Variants in WWC2 observed in about 807,000 individuals in gnomAD.
WWC2 encodes the protein protein WWC2.
A neutral mutation model predicts 138.5 loss-of-function variants in WWC2; 101 were observed. That is an observed-to-expected ratio of 0.73 (90% confidence interval 0.62 to 0.86). The LOEUF (loss-of-function observed/expected upper bound fraction) is 0.86, where lower values mean the gene tolerates loss of function less well. Ranked by LOEUF, WWC2 falls within the 40% of genes least tolerant of loss-of-function variation. The pLI, the probability that WWC2 is intolerant of heterozygous loss-of-function variation, is 0.00. For synonymous variants in WWC2, 558 were observed against 538.4 expected, an observed-to-expected ratio of 1.04 and a Z score of -0.50; for missense variants, 1,420 against 1,419.4, an observed-to-expected ratio of 1.00 and a Z score of -0.01.
intron 12 of WWC2, 55 bp downstream of exon 12, chr4:183,265,162 G>A: frequency 6.4e-7 from 1 of 1,564,836 alleles, no homozygotes. Flanking sequence ...CGCCGTGGAT[G>A]TGGGTTATAT....
intron 2 of WWC2, among the ~76,000 whole-genome samples, chr4:183,207,105 G>A (rs1456827680): frequency 1.3e-5 from 2 of 152,114 alleles, no homozygotes; most frequent in African/African-American, 4.8e-5. Context: ...ACTGGTTCTT[G>A]GGCTCGGCTG....
intron 4 of WWC2, among the ~76,000 whole-genome samples, chr4:183,230,751 AAG>A (rs1375953656): frequency 6.6e-6 from 1 of 152,214 alleles, no homozygotes; most frequent in Non-Finnish European, 1.5e-5. Context: ...GGTTTTTTAA[AAG>A]AGTAATAAAA....
chr4:183,284,383 T>C lies in WWC2; in HGVS notation c.3041T>C (p.Ile1014Thr). The change falls in exon 19 of 23, where the codon ATC becomes ACC. Residue 1014 changes from isoleucine (I) to threonine (T), a missense_variant. Transcript: ENST00000403733. ...TFSPGERNQY[I>T]CRLNRSDSDS... ...TCTCCAGGAGAGCGGAACCAGTACA[T>C]CTGCAGGGTAAGGTGGCAGTGCTCG... The C allele has an allele frequency of 6.2e-7, 1 of 1,612,098 alleles. No homozygotes were observed. The highest frequency in any genetic ancestry group is 8.5e-7 in the Non-Finnish European group (1 of 1,179,750).
chr4:183,113,522 G>T (rs577639490), intron 1 of WWC2, among the ~76,000 whole-genome samples: 1 of 147,432 alleles, frequency 6.8e-6, no homozygotes, highest in African/African-American at 2.5e-5. Flanking sequence ...GTGTGCGCGC[G>T]CGTGCGCGCG....
At chr4:183,297,311 C>G (rs1202780319) in intron 21 of WWC2, among the ~76,000 whole-genome samples, 1 of 151,650 alleles carries the variant, frequency 6.6e-6, no homozygotes, top group Non-Finnish European at 1.5e-5. Flanking sequence ...TGAACCAGCA[C>G]TTAGTTGGTT....
At position 183,114,668 on chromosome 4, in the gene WWC2, C is replaced by T. The variant is rs928339724; in HGVS notation, c.131+15046C>T. On this transcript the variant is annotated intron_variant, in intron 1 of 22. Transcript: ENST00000403733. ...TTTATTTGTTTTCACTGGAACATAC[C>T]TTTTTTTTTTTCTTCCAACGTTTAT... Among the ~76,000 whole-genome samples the T allele has an allele frequency of 2.7e-5, 4 of 148,140 alleles. No homozygotes were observed. In the East Asian group the frequency reaches 7.9e-4, roughly 29 times the overall value.
chr4:183,170,340 A>G (rs1431069800), intron 1 of WWC2, among the ~76,000 whole-genome samples: 2 of 152,198 alleles, frequency 1.3e-5, no homozygotes, highest in East Asian at 3.8e-4. Flanking sequence ...AAAACATTCC[A>G]TAGCCTTGCA....
At chr4:183,175,731 T>C (rs758472861) in intron 1 of WWC2, among the ~76,000 whole-genome samples, 1 of 152,234 alleles carries the variant, frequency 6.6e-6, no homozygotes, top group South Asian at 2.1e-4. Context: ...CTAGCACCTA[T>C]AGAAAAAGAT....
At chr4:183,121,454 G>A (rs1044623435) in intron 1 of WWC2, among the ~76,000 whole-genome samples, 1 of 151,966 alleles carries the variant, frequency 6.6e-6, no homozygotes, top group African/African-American at 2.4e-5. Context: ...TCCTTTGAGT[G>A]TTATGTCGGC....
intron 21 of WWC2, among the ~76,000 whole-genome samples, chr4:183,311,678 C>T (rs1739248841): frequency 6.7e-6 from 1 of 149,642 alleles, no homozygotes; most frequent in African/African-American, 2.5e-5. Context: ...CTCCCAGGTT[C>T]AAGCCATTCT....
chr4:183,125,603 T>G (rs1170892796), intron 1 of WWC2, among the ~76,000 whole-genome samples: 1 of 152,228 alleles, frequency 6.6e-6, no homozygotes, highest in Non-Finnish European at 1.5e-5. Context: ...TTGTCTAGTC[T>G]TCTTGCTCCT....
intron 20 of WWC2, 25 bp from the exon 21 acceptor site, chr4:183,289,368 C>T (rs754194387): frequency 2.1e-5 from 33 of 1,603,146 alleles, no homozygotes; most frequent in African/African-American, 4.0e-5. Flanking sequence ...CCAGGGTGTT[C>T]GTCATTCCGT....
chr4:183,315,031 C>A (rs139745440), intron 22 of WWC2, among the ~76,000 whole-genome samples: 1 of 152,224 alleles, frequency 6.6e-6, no homozygotes, highest in African/African-American at 2.4e-5. Context: ...TACGTGCTGA[C>A]GGCATAAATG....
chr4:183,236,936 A>G (rs1736445095), intron 4 of WWC2, among the ~76,000 whole-genome samples: 1 of 152,102 alleles, frequency 6.6e-6, no homozygotes, highest in Non-Finnish European at 1.5e-5. Flanking sequence ...TTCTTTAATC[A>G]ATGTTTTATA....
At chr4:183,309,572 A>T (rs113337902) in intron 21 of WWC2, among the ~76,000 whole-genome samples, 1 of 152,364 alleles carries the variant, frequency 6.6e-6, no homozygotes, top group Non-Finnish European at 1.5e-5. Flanking sequence ...AACACAGACA[A>T]CACCAAATCC....
At chr4:183,207,851 C>T in intron 2 of WWC2, 102 bp from the exon 3 acceptor site, 1 of 1,123,648 alleles carries the variant, frequency 8.9e-7, no homozygotes, top group East Asian at 2.6e-5. Context: ...AAATAAACTC[C>T]TTAGAGGATA....
chr4:183,306,873 A>G (rs1739037960), intron 21 of WWC2, among the ~76,000 whole-genome samples: 1 of 150,318 alleles, frequency 6.7e-6, no homozygotes, highest in Non-Finnish European at 1.5e-5. Flanking sequence ...CACCAACTAT[A>G]TATGAGGCAA....
At chr4:183,248,649 C>T in intron 6 of WWC2, 65 bp from the exon 7 acceptor site, 8 of 1,434,808 alleles carry the variant, frequency 5.6e-6, no homozygotes, top group East Asian at 2.5e-5. Flanking sequence ...TTAATTTCAC[C>T]TGGTAGGGAA....
intron 1 of WWC2, among the ~76,000 whole-genome samples, chr4:183,112,503 ACT>A (rs1732265634): frequency 6.6e-6 from 1 of 152,206 alleles, no homozygotes. Context: ...TCCCCAGCTT[ACT>A]TTACTGACTT....
Sources: gnomAD v4.1 joint callset for allele counts (sites outside exome capture counted in the v4.1 genomes callset) on GRCh38, gnomAD v4.1.1 for gene constraint, MANE v1.5 for transcripts, NCBI Gene and HGNC (gene_info 2026-07-23, HGNC 2026-07-21) for gene names.